Variants in ATG7 observed in about 807,000 individuals in gnomAD.
ATG7 encodes the protein ubiquitin-like modifier-activating enzyme ATG7.
ATG7 carries 70 observed loss-of-function variants against 82.4 expected under a neutral mutation model. That is an observed-to-expected ratio of 0.85 (90% CI 0.70 to 1.04). ATG7 has a LOEUF of 1.04. Among genes scored for constraint, ATG7 ranks in the 50% least tolerant of loss-of-function variants. ATG7 has a pLI of 0.00. For missense variants in ATG7, 792 were observed against 864.3 expected (o/e 0.92, Z 1.05); for synonymous variants, 287 against 313.0 (o/e 0.92, Z 0.88).
chr3:11,302,797 T>C (rs1946996877), intron 5 of ATG7, among the ~76,000 whole-genome samples: 1 of 152,232 alleles, frequency 6.6e-6, no homozygotes, highest in Non-Finnish European at 1.5e-5. Flanking sequence ...TAGCACTGGA[T>C]AAGTCTCTTC....
intron 19 of ATG7, among the ~76,000 whole-genome samples, chr3:11,406,778 C>G (rs1412496454): frequency 6.6e-6 from 1 of 152,148 alleles, no homozygotes; most frequent in African/African-American, 2.4e-5. Flanking sequence ...ACCATCAGAT[C>G]TCATAAGACC....
chr3:11,554,756 G>GC (rs750010890), intron 20 of ATG7, 55 bp from the exon 21 acceptor site: 26 of 1,602,114 alleles, frequency 1.6e-5, no homozygotes, highest in East Asian at 2.2e-5. Flanking sequence ...GCATCTGTGT[G>GC]CCCCCCACCG....
At chr3:11,514,799 C>T (rs148457453) in intron 20 of ATG7, among the ~76,000 whole-genome samples, 6 of 151,706 alleles carry the variant, frequency 4.0e-5, no homozygotes, top group East Asian at 3.9e-4. Flanking sequence ...GTATGTTCCA[C>T]GCAGGAGAAA....
rs187887627 is a variant in ATG7, at chr3:11,374,691, G to A, written c.1876-5281G>A. Among the ~76,000 whole-genome samples the A allele has an allele frequency of 8.8e-3, 1,334 of 152,212 alleles. 21 individuals are homozygous for A. Among genetic ancestry groups the A allele is most frequent in the African/African-American group, 0.031 (1,289 of 41,524 alleles). ...GAGTCCGAGGCGGGCAGATCGTGAG[G>A]TCAGGAGATTGAGACCATCCTGGTT... On this transcript the variant is annotated intron_variant, in intron 18 of 20. Coordinates refer to ENST00000693202, the MANE Select transcript of ATG7 (RefSeq NM_001349232.2).
At chr3:11,514,588 T>G (rs1267133837) in intron 20 of ATG7, among the ~76,000 whole-genome samples, 2 of 152,240 alleles carry the variant, frequency 1.3e-5, no homozygotes, top group Non-Finnish European at 2.9e-5. Flanking sequence ...AGCTCTATGG[T>G]GATTCTGCCG....
At chr3:11,534,211 C>A (rs1231009792) in intron 20 of ATG7, among the ~76,000 whole-genome samples, 1 of 152,258 alleles carries the variant, frequency 6.6e-6, no homozygotes, top group Non-Finnish European at 1.5e-5. Flanking sequence ...CAGCAGCACC[C>A]TAGGTCTAGG....
intron 14 of ATG7, among the ~76,000 whole-genome samples, chr3:11,351,554 C>T (rs1222223592): frequency 6.6e-6 from 1 of 152,206 alleles, no homozygotes; most frequent in Admixed American, 6.5e-5. Context: ...CATGCTGGGC[C>T]TGAGAGAGCA....
At chr3:11,422,328 C>T (rs140838862) in intron 19 of ATG7, among the ~76,000 whole-genome samples, 4 of 152,336 alleles carry the variant, frequency 2.6e-5, no homozygotes, top group Non-Finnish European at 5.9e-5. Flanking sequence ...CTCATAATAA[C>T]ATGTTGCAGC....
chr3:11,497,533 C>CA (rs760302631), intron 20 of ATG7, among the ~76,000 whole-genome samples: 1,911 of 77,296 alleles, frequency 0.025, 40 homozygotes, highest in East Asian at 0.056. Context: ...GAGACTCCAC[C>CA]AAAAAAAAAA....
At chr3:11,422,277 A>G (rs779869222) in intron 19 of ATG7, among the ~76,000 whole-genome samples, 5 of 152,214 alleles carry the variant, frequency 3.3e-5, no homozygotes, top group Non-Finnish European at 7.3e-5. Flanking sequence ...TATGTTAAAA[A>G]TCTGTTGTTT....
At chr3:11,374,589 AAAAT>A (rs1450276997) in intron 18 of ATG7, among the ~76,000 whole-genome samples, 3 of 152,208 alleles carry the variant, frequency 2.0e-5, no homozygotes, top group African/African-American at 4.8e-5. Context: ...GGACTGCACT[AAAAT>A]AAACTGTTGT....
intron 11 of ATG7, among the ~76,000 whole-genome samples, chr3:11,337,404 G>C (rs1013708171): frequency 1.2e-4 from 19 of 152,034 alleles, no homozygotes; most frequent in African/African-American, 4.6e-4. Flanking sequence ...AGTGAGCCAA[G>C]ATAAGTGCCA....
rs1014430860 is a variant in ATG7, at chr3:11,557,541, G to C, written c.*2698G>C. ...ACTGCTCATCGCGAGGGCCTGCCAG[G>C]AGCTGGCCTCCCGCACTACTTGTGA... On this transcript the variant is annotated 3_prime_UTR_variant, in exon 21 of 21. Transcript: ENST00000693202. 6.6e-6 allele frequency: 1 copy of C among 152,560 alleles called. No individual in the cohort carries two copies. The highest frequency in any genetic ancestry group is 1.5e-5 in the Non-Finnish European group (1 of 68,058). The allele number at this position is 152,560 out of a possible 1,614,324, so 9.5% of individuals were successfully genotyped here.
intron 20 of ATG7, among the ~76,000 whole-genome samples, chr3:11,440,585 A>G (rs1379190693): frequency 6.7e-6 from 1 of 149,502 alleles, no homozygotes; most frequent in Non-Finnish European, 1.5e-5. Context: ...CGGCCTCCCA[A>G]AGTGCTGGGA....
chr3:11,536,301 G>A (rs910736891), intron 20 of ATG7, among the ~76,000 whole-genome samples: 1 of 152,170 alleles, frequency 6.6e-6, no homozygotes, highest in African/African-American at 2.4e-5. Flanking sequence ...CGCTGAGGTT[G>A]GTCCACTTAA....
intron 19 of ATG7, among the ~76,000 whole-genome samples, chr3:11,394,210 A>G (rs1224661840): frequency 3.3e-5 from 5 of 152,196 alleles, no homozygotes; most frequent in Admixed American, 6.5e-5. Context: ...AAAGAATACC[A>G]TAGAACTTTT....
intron 11 of ATG7, among the ~76,000 whole-genome samples, chr3:11,338,030 GGTTT>G (rs2152767252): frequency 6.6e-6 from 1 of 151,986 alleles, no homozygotes. Context: ...GTTTCCCAGG[GGTTT>G]GTTGTACAGA....
At chr3:11,305,403 T>C (rs1378627365) in intron 5 of ATG7, among the ~76,000 whole-genome samples, 2 of 152,190 alleles carry the variant, frequency 1.3e-5, no homozygotes, top group Non-Finnish European at 2.9e-5. Flanking sequence ...ACCTGGGAAG[T>C]TTGGGAAGAA....
chr3:11,360,654 A>G lies in ATG7; in HGVS notation c.1553A>G (p.Gln518Arg). The G allele has an allele frequency of 6.2e-7, 1 of 1,614,214 alleles. No individual in the cohort carries two copies. Among genetic ancestry groups the G allele is most frequent in the Non-Finnish European group, 8.5e-7 (1 of 1,180,034 alleles). Reference sequence around the variant, plus strand: ...CATGGTCTGAAGAAACCAAAGCAGCAAGGAGCTGGGGACTTGTGTCCAAAC... The same window carrying G: ...CATGGTCTGAAGAAACCAAAGCAGCGAGGAGCTGGGGACTTGTGTCCAAAC... ...MRHGLKKPKQQGAGDLCPNHP... is the reference protein window; with the variant it reads ...MRHGLKKPKQRGAGDLCPNHP... Residue 518 changes from glutamine (Q) to arginine (R), a missense_variant, in exon 16 of 21, where the codon CAA becomes CGA. Physicochemically the swap from Gln to Arg is conservative, Grantham distance 43. Transcript: ENST00000693202.
Sources: gnomAD v4.1 joint callset for allele counts (sites outside exome capture counted in the v4.1 genomes callset) on GRCh38, gnomAD v4.1.1 for gene constraint, MANE v1.5 for transcripts, NCBI Gene and HGNC (gene_info 2026-07-23, HGNC 2026-07-21) for gene names.